The following ZFHX3 variants were observed in gnomAD, a reference collection of about 807,000 sequenced individuals.
ZFHX3 encodes zinc finger homeobox protein 3.
ZFHX3 carries 42 observed loss-of-function variants against 279.1 expected under a neutral mutation model. The ratio of observed to expected loss-of-function variants is 0.15; its 90% CI spans 0.12 to 0.19. The LOEUF (loss-of-function observed/expected upper bound fraction) is 0.19. Ranked by LOEUF, ZFHX3 falls within the 10% of genes least tolerant of loss-of-function variation. The probability of loss-of-function intolerance (pLI) is 1.00; values close to 1 mark genes in which losing one functional copy is unlikely to be tolerated. For missense variants in ZFHX3, 4,981 were observed against 4,754.0 expected (o/e 1.05, Z -1.40); for synonymous variants, 2,293 against 1,957.8 (o/e 1.17, Z -4.52).
chr16:72,917,023 G>C (rs1204103469), intron 3 of ZFHX3, among the ~76,000 whole-genome samples: 1 of 152,284 alleles, frequency 6.6e-6, no homozygotes, highest in South Asian at 2.1e-4. Context: ...TGGATTGCTT[G>C]AGCCAAGGAG....
intron 2 of ZFHX3, among the ~76,000 whole-genome samples, chr16:73,618,668 C>G (rs932690346): frequency 1.3e-5 from 2 of 152,164 alleles, no homozygotes; most frequent in African/African-American, 4.8e-5. Flanking sequence ...CTGAAAAAGT[C>G]TCCTGTTGAT....
At chr16:73,093,726 A>G in intron 7 of ZFHX3, 1 of 214,422 alleles carries the variant, frequency 4.7e-6, no homozygotes, top group East Asian at 1.1e-4. Flanking sequence ...CGGCGTTCCC[A>G]GGAAAATTCT....
intron 2 of ZFHX3, among the ~76,000 whole-genome samples, chr16:73,632,557 G>A (rs747797046): frequency 3.3e-5 from 5 of 151,834 alleles, no homozygotes; most frequent in Non-Finnish European, 7.4e-5. Context: ...ATGGTGGCGC[G>A]CACCTGTAGT....
chr16:72,995,303 C>T (rs990919751), intron 1 of ZFHX3, among the ~76,000 whole-genome samples: 6 of 152,180 alleles, frequency 3.9e-5, no homozygotes, highest in African/African-American at 1.4e-4. Flanking sequence ...TTCGCCCGTG[C>T]CTCTCCAATC....
At chr16:72,843,513 TAAA>T (rs59007764) in intron 4 of ZFHX3, among the ~76,000 whole-genome samples, 3,354 of 39,034 alleles carry the variant, frequency 0.086, 143 homozygotes, top group Admixed American at 0.25. Context: ...AGACTCCGTC[TAAA>T]AAAAAAAAAA....
rs181200286 is a variant in ZFHX3, at chr16:73,779,417, T to C, written c.-1607-99177A>G. ...AAGAAAGAGGAGGAGGAGGTGGTGG[T>C]GTTTCATTCTAGTATGGAATCATCG... On this transcript the variant is annotated intron_variant, in intron 1 of 17. Coordinates refer to the ZFHX3 transcript ENST00000641206. Among the ~76,000 whole-genome samples, 13 of 93,414 alleles carry C rather than the reference T, an allele frequency of 1.4e-4. No homozygotes were observed. The East Asian group carries it at 3.5e-3, about 25-fold the overall frequency. 61.3% of individuals were successfully genotyped at this position (93,414 alleles called of 152,430 possible). A position where few individuals can be genotyped will look rare whatever the true frequency, so the allele number is the denominator to read the frequency against.
chr16:73,710,678 G>C (rs2053352106), intron 1 of ZFHX3, among the ~76,000 whole-genome samples: 2 of 152,116 alleles, frequency 1.3e-5, no homozygotes, highest in Non-Finnish European at 2.9e-5. Context: ...GCCAGCACCT[G>C]CCTCCCGTTG....
At chr16:73,382,722 T>G (rs958368795) in intron 3 of ZFHX3, among the ~76,000 whole-genome samples, 1 of 152,218 alleles carries the variant, frequency 6.6e-6, no homozygotes, top group African/African-American at 2.4e-5. Context: ...CTAGGCCAAG[T>G]GTCCTTGAGC....
chr16:73,061,640 T>C (rs1965686162), upstream of ZFHX3: 1 of 152,110 alleles, frequency 6.6e-6, no homozygotes, highest in African/African-American at 2.4e-5. Flanking sequence ...ATACATCAGG[T>C]AAGGAAAATT....
intron 7 of ZFHX3, chr16:72,809,211 C>T (rs1232221353): frequency 2.0e-5 from 3 of 152,212 alleles, no homozygotes; most frequent in Non-Finnish European, 2.9e-5. Flanking sequence ...GTAAACCAGT[C>T]ATGTAGATTA....
intron 3 of ZFHX3, among the ~76,000 whole-genome samples, chr16:73,351,307 A>G (rs2016237072): frequency 2.0e-5 from 3 of 152,186 alleles, no homozygotes; most frequent in Admixed American, 6.5e-5. Flanking sequence ...GCTGCCTAAT[A>G]TACTCCTGAA....
At chr16:72,978,474 T>C (rs528218715) in intron 1 of ZFHX3, among the ~76,000 whole-genome samples, 59 of 152,230 alleles carry the variant, frequency 3.9e-4, no homozygotes, top group African/African-American at 1.4e-3. Context: ...AAGCCTCAAC[T>C]TCCCAGCCAC....
chr16:73,642,940 G>T (rs2052586949), intron 2 of ZFHX3, among the ~76,000 whole-genome samples: 1 of 152,138 alleles, frequency 6.6e-6, no homozygotes, highest in Non-Finnish European at 1.5e-5. Flanking sequence ...AGGAATGGTG[G>T]GGTACGATGG....
chr16:73,859,023 T>C (rs1961812475), intron 1 of ZFHX3, among the ~76,000 whole-genome samples: 1 of 152,202 alleles, frequency 6.6e-6, no homozygotes, highest in Non-Finnish European at 1.5e-5. Context: ...CCTAAGGGGA[T>C]ACAAGGAGAT....
At chr16:73,463,493 C>A (rs1183534261) in intron 2 of ZFHX3, among the ~76,000 whole-genome samples, 1 of 152,210 alleles carries the variant, frequency 6.6e-6, no homozygotes, top group Non-Finnish European at 1.5e-5. Context: ...GGATCCCATT[C>A]ATCGTTTCTG....
intron 7 of ZFHX3, among the ~76,000 whole-genome samples, chr16:73,099,784 T>C (rs891905999): frequency 3.6e-5 from 5 of 139,894 alleles, no homozygotes; most frequent in African/African-American, 5.4e-5. Context: ...AGACGTGGGG[T>C]GGGAAGGGGA....
intron 2 of ZFHX3, among the ~76,000 whole-genome samples, chr16:73,677,881 T>C (rs1291348802): frequency 6.6e-6 from 1 of 152,016 alleles, no homozygotes; most frequent in East Asian, 1.9e-4. Flanking sequence ...TTATTTCTGG[T>C]ACATAAGGAT....
At chr16:72,991,049 T>C (rs1056065128) in intron 1 of ZFHX3, among the ~76,000 whole-genome samples, 1 of 149,664 alleles carries the variant, frequency 6.7e-6, no homozygotes, top group African/African-American at 2.5e-5. Context: ...ATACACAGCA[T>C]AGTATGTACT....
In ZFHX3 at chr16:72,796,479, G is replaced by A. The variant is rs377523900; in HGVS notation, c.6203C>T (p.Ala2068Val). 10 of 1,607,676 alleles carry A rather than the reference G, an allele frequency of 6.2e-6. No individual in the cohort carries two copies. The highest frequency in any genetic ancestry group is 8.5e-6 in the Non-Finnish European group (10 of 1,179,772). The change falls in exon 9 of 10, where the codon GCC (alanine) becomes GTC (valine). Residue 2068 changes from alanine (A) to valine (V), a missense_variant. Around this residue, in one of 7 missense-constraint regions of ZFHX3, gnomAD observed 1,751 missense variants for 1,770.0 expected, o/e 0.99. Coordinates refer to ENST00000268489, the MANE Select transcript of ZFHX3 (RefSeq NM_006885.4). ...AATTGTAGGTGAGGTGATGGGTGGG[G>A]CTGATGCGGGGATGGCTGGTGTGGA... ...PASTPAIPAS[A>V]PPITSPTIAP...
Sources: gnomAD v4.1 joint callset for allele counts (sites outside exome capture counted in the v4.1 genomes callset) on GRCh38, gnomAD v4.1.1 for gene constraint, gnomAD v4.1.1 regional missense constraint, MANE v1.5 for transcripts, NCBI Gene and HGNC (gene_info 2026-07-23, HGNC 2026-07-21) for gene names.